The following CFTR variants were observed in gnomAD, a reference collection of about 807,000 sequenced individuals.
CFTR encodes the protein CF transmembrane conductance regulator.
In CFTR, 181 loss-of-function variants were observed where a neutral mutation model predicts 171.6. That is an observed-to-expected ratio of 1.05 (90% CI 0.93 to 1.19). The LOEUF is 1.19. Among genes scored for constraint, CFTR ranks in the 50% most tolerant of loss-of-function variants. The pLI, the probability that CFTR is intolerant of heterozygous loss-of-function variation, is 0.00. For synonymous variants in CFTR, 583 were observed against 608.0 expected (o/e 0.96, Z 0.60); for missense variants, 1,968 against 1,734.7 (o/e 1.13, Z -2.39).
chr7:117,602,998 G>GT, intron 16 of CFTR, 135 bp downstream of exon 16: 1 of 917,376 alleles, frequency 1.1e-6, no homozygotes, highest in South Asian at 1.3e-5. Context: ...GAAAGATAAG[G>GT]TTTTTTGTTT....
chr7:117,589,686 C>A (rs1038874235), intron 12 of CFTR, among the ~76,000 whole-genome samples: 1 of 151,918 alleles, frequency 6.6e-6, no homozygotes, highest in Non-Finnish European at 1.5e-5. Context: ...TTATTTGGAA[C>A]TTTTATGAAT....
At chr7:117,521,467 A>C (rs185016307) in intron 3 of CFTR, among the ~76,000 whole-genome samples, 213 of 152,190 alleles carry the variant, frequency 1.4e-3, no homozygotes, top group Admixed American at 1.6e-3. Flanking sequence ...ATGTATCTTT[A>C]TATTCAAGTT....
intron 1 of CFTR, among the ~76,000 whole-genome samples, chr7:117,503,767 T>C (rs1158692802): frequency 1.3e-5 from 2 of 152,206 alleles, no homozygotes; most frequent in Admixed American, 6.5e-5. Context: ...TAGTCATTCT[T>C]TCAATGAATA....
intron 11 of CFTR, among the ~76,000 whole-genome samples, chr7:117,567,616 G>T (rs1438316586): frequency 6.6e-6 from 1 of 152,180 alleles, no homozygotes; most frequent in Admixed American, 6.5e-5. Flanking sequence ...ATCGTGTTTG[G>T]CACCAGGGAT....
Position 117,531,013 on chromosome 7 carries a change from C to G in CFTR, c.388C>G (p.Leu130Val), listed in dbSNP as rs397508632. Residue 130 changes from leucine (L) to valine (V), a missense_variant, in exon 4 of 27, where the codon CTC (leucine) becomes GTC (valine). Transcript: ENST00000003084. ...TTATCTAGGCATAGGCTTATGCCTTCTCTTTATTGTGAGGACACTGCTCCT... is the reference window on the plus strand; with the variant it reads ...TTATCTAGGCATAGGCTTATGCCTTGTCTTTATTGTGAGGACACTGCTCCT... The part of the protein sequence containing the change: ...AIYLGIGLCL[L>V]FIVRTLLLHP... 29 of 1,613,602 alleles carry G rather than the reference C, an allele frequency of 1.8e-5. No individual in the cohort carries two copies. In the South Asian group the frequency reaches 3.1e-4, roughly 17 times the overall value.
At chr7:117,573,410 C>T (rs1222333763) in intron 11 of CFTR, among the ~76,000 whole-genome samples, 1 of 152,102 alleles carries the variant, frequency 6.6e-6, no homozygotes, top group Non-Finnish European at 1.5e-5. Flanking sequence ...ACACAGAATC[C>T]TTTGAAGCTG....
intron 1 of CFTR, among the ~76,000 whole-genome samples, chr7:117,487,096 A>G (rs1473591701): frequency 1.3e-5 from 2 of 152,124 alleles, no homozygotes; most frequent in African/African-American, 2.4e-5. Context: ...ATGGAGCAGG[A>G]GTGCAGACCT....
Position 117,627,699 on chromosome 7 carries a change from A to G in CFTR, c.3646A>G (p.Thr1216Ala), listed in dbSNP as rs1391512805. 2 of 1,612,236 alleles carry G rather than the reference A, an allele frequency of 1.2e-6. No homozygotes were observed. Among genetic ancestry groups the G allele is most frequent in the Non-Finnish European group, 1.7e-6 (2 of 1,178,514 alleles). Residue 1216 changes from threonine (T) to alanine (A), a missense_variant, in exon 22 of 27, where the codon ACA (threonine) becomes GCA (alanine). Thr to Ala is a moderately conservative substitution (Grantham distance 58, BLOSUM62 0). Coordinates refer to ENST00000003084, the MANE Select transcript of CFTR (RefSeq NM_000492.4). Reference sequence around the variant, plus strand: ...GGGCCAAATGACTGTCAAAGATCTCACAGCAAAATACACAGAAGGTGGAAA... The same window carrying G: ...GGGCCAAATGACTGTCAAAGATCTCGCAGCAAAATACACAGAAGGTGGAAA... ...SGGQMTVKDL[T>A]AKYTEGGNAI...
At chr7:117,521,179 G>A (rs888489291) in intron 3 of CFTR, among the ~76,000 whole-genome samples, 3 of 151,906 alleles carry the variant, frequency 2.0e-5, no homozygotes, top group Non-Finnish European at 2.9e-5. Context: ...TCTTAGCATA[G>A]TCATTTTTTA....
chr7:117,488,360 CT>C (rs1228551355), intron 1 of CFTR, among the ~76,000 whole-genome samples: 2 of 151,980 alleles, frequency 1.3e-5, no homozygotes, highest in African/African-American at 4.8e-5. Context: ...TCTTCTATAA[CT>C]TTTTTTCGGT....
At chr7:117,579,486 C>A (rs946754789) in intron 11 of CFTR, among the ~76,000 whole-genome samples, 1 of 151,756 alleles carries the variant, frequency 6.6e-6, no homozygotes, top group African/African-American at 2.4e-5. Context: ...TAACATTCAT[C>A]TTTTCTTATA....
intron 23 of CFTR, among the ~76,000 whole-genome samples, chr7:117,646,604 T>A (rs531604614): frequency 1.5e-4 from 23 of 152,150 alleles, no homozygotes; most frequent in Admixed American, 1.2e-3. Flanking sequence ...GTTGGGCCTT[T>A]TTGAGTGAGG....
chr7:117,548,335 T>G (rs1326482177), intron 9 of CFTR, among the ~76,000 whole-genome samples: 29 of 141,352 alleles, frequency 2.1e-4, no homozygotes, highest in East Asian at 1.8e-3. Flanking sequence ...GAGAAGAGGG[T>G]GTGTGTGTGT....
At chr7:117,620,354 TC>T (rs887714470) in intron 21 of CFTR, among the ~76,000 whole-genome samples, 1 of 152,204 alleles carries the variant, frequency 6.6e-6, no homozygotes, top group African/African-American at 2.4e-5. Context: ...TTTCTAAGGT[TC>T]CTTCAAGCTT....
rs184678516 is a variant in CFTR, at chr7:117,662,405, G to A, written c.3964-2283G>A. Among the ~76,000 whole-genome samples the A allele has an allele frequency of 7.0e-4, 107 of 152,232 alleles. No homozygotes were observed. In the East Asian group the frequency reaches 0.011, roughly 15 times the overall value. ...CTTGCACAAATACTACTATCACTAG[G>A]TGCCTGGTTGAATGGCTTAAGAGAT... On this transcript the variant is annotated intron_variant, in intron 24 of 26. Coordinates refer to ENST00000003084, the MANE Select transcript of CFTR (RefSeq NM_000492.4).
intron 21 of CFTR, among the ~76,000 whole-genome samples, chr7:117,622,708 C>A (rs1194569444): frequency 6.6e-6 from 1 of 152,108 alleles, no homozygotes; most frequent in Admixed American, 6.6e-5. Context: ...GGCTTCTGAA[C>A]AACCAAAAGG....
rs121908752 is a variant in CFTR at position 117,535,285 on chromosome 7, T to G, written c.617T>G (p.Leu206Trp). The G allele has an allele frequency of 1.5e-4, 236 of 1,614,000 alleles. No homozygotes were observed. The highest frequency in any genetic ancestry group is 4.0e-4 in the Admixed American group (24 of 59,978). The change falls in exon 6 of 27, where the codon TTG becomes TGG. Residue 206 changes from leucine to tryptophan, a missense_variant. Transcript: ENST00000003084. Reference protein sequence around the residue: ...ALAHFVWIAPLQVALLMGLIW... With the variant: ...ALAHFVWIAPWQVALLMGLIW... ...GCACATTTCGTGTGGATCGCTCCTT[T>G]GCAAGTGGCACTCCTCATGGGGCTA... is the stretch of plus-strand genomic sequence containing the variant.
chr7:117,519,087 A>G (rs1019358638), intron 3 of CFTR, among the ~76,000 whole-genome samples: 4 of 152,142 alleles, frequency 2.6e-5, no homozygotes, highest in African/African-American at 9.7e-5. Context: ...AAGCACTAAA[A>G]GGAAAATACC....
At chr7:117,631,712 A>G (rs1196359869) in intron 22 of CFTR, among the ~76,000 whole-genome samples, 1 of 152,202 alleles carries the variant, frequency 6.6e-6, no homozygotes, top group Non-Finnish European at 1.5e-5. Context: ...CATCTCTCCC[A>G]TCTGGCTGTT....
Sources: gnomAD v4.1 joint callset for allele counts (sites outside exome capture counted in the v4.1 genomes callset) on GRCh38, gnomAD v4.1.1 for gene constraint, MANE v1.5 for transcripts, NCBI Gene and HGNC (gene_info 2026-07-23, HGNC 2026-07-21) for gene names.